The following UTP20 variants were observed in gnomAD, a reference collection of about 807,000 sequenced individuals.
UTP20 encodes small subunit processome component 20 homolog.
In UTP20, 164 loss-of-function variants were observed where a neutral mutation model predicts 329.5. The observed-to-expected ratio is 0.50, with a 90% confidence interval of 0.44 to 0.57. The LOEUF (loss-of-function observed/expected upper bound fraction) is 0.57. Among genes scored for constraint, UTP20 ranks in the 20% least tolerant of loss-of-function variants. UTP20 has a pLI of 0.00. For missense variants in UTP20, 3,055 were observed against 3,284.2 expected, an observed-to-expected ratio of 0.93 and a Z score of 1.71; for synonymous variants, 1,151 against 1,159.3, an observed-to-expected ratio of 0.99 and a Z score of 0.14.
At chr12:101,372,648 C>A (rs540858662) in intron 51 of UTP20, among the ~76,000 whole-genome samples, 2 of 152,286 alleles carry the variant, frequency 1.3e-5, no homozygotes, top group East Asian at 3.9e-4. Context: ...AGTGGCAGGC[C>A]AGGGCTTGCC....
Position 101,366,631 on chromosome 12 carries a change from C to G in UTP20, c.6199C>G (p.Arg2067Gly). The G allele has an allele frequency of 6.2e-7, 1 of 1,614,132 alleles. No homozygotes were observed. Among genetic ancestry groups the G allele is most frequent in the South Asian group, 1.1e-5 (1 of 91,070 alleles). Reference protein sequence around the residue: ...SCLLLPPTPVRGGQKAVVSRK... With the variant: ...SCLLLPPTPVGGGQKAVVSRK... Reference sequence around the variant, plus strand: ...CCTTCTGCTTCCCCCAACTCCAGTTCGAGGTGGACAGAAAGCTGTTGTGAG... The same window carrying G: ...CCTTCTGCTTCCCCCAACTCCAGTTGGAGGTGGACAGAAAGCTGTTGTGAG... The change falls in exon 47 of 62, where the codon CGA becomes GGA. Residue 2067 changes from arginine to glycine, a missense_variant. Transcript: ENST00000261637.
At chr12:101,304,194 T>C (rs1014602633) in intron 15 of UTP20, among the ~76,000 whole-genome samples, 13 of 152,170 alleles carry the variant, frequency 8.5e-5, no homozygotes, top group Non-Finnish European at 1.8e-4. Context: ...TCTGTTCTCT[T>C]TGCTATGCTA....
chr12:101,373,466 C>G lies in UTP20; in HGVS notation c.6944C>G (p.Pro2315Arg). Residue 2315 changes from proline to arginine, a missense_variant, in exon 53 of 62, where the codon CCT becomes CGT. Coordinates refer to ENST00000261637, the MANE Select transcript of UTP20 (RefSeq NM_014503.3). Reference sequence around the variant, plus strand: ...ATCGCCTATCTCTTTGACACGTTCCCTCAGGTACTGTGACCCCAGAGATAA... The same window carrying G: ...ATCGCCTATCTCTTTGACACGTTCCGTCAGGTACTGTGACCCCAGAGATAA... ...EMIAYLFDTF[P>R]QGLLHENCGM... 1.2e-6 allele frequency: 2 copies of G among 1,614,200 alleles called. No individual in the cohort carries two copies. Among genetic ancestry groups the G allele is most frequent in the Non-Finnish European group, 1.7e-6 (2 of 1,180,042 alleles).
At position 101,302,557 on chromosome 12, in the gene UTP20, A is replaced by G; in HGVS notation, c.1781+4A>G. On this transcript the variant is annotated splice_donor_region_variant and intron_variant, in intron 15 of 61. Coordinates refer to ENST00000261637, the MANE Select transcript of UTP20 (RefSeq NM_014503.3). ...AACGTGTGAAGAATTTAGTATTGTA[A>G]GTAAACATCTTCCAGTTGGTTTAGT... The G allele has an allele frequency of 6.4e-7, 1 of 1,569,144 alleles. No homozygotes were observed. Among genetic ancestry groups the G allele is most frequent in the Non-Finnish European group, 8.7e-7 (1 of 1,152,326 alleles).
At chr12:101,373,562 C>T (rs1870369505) in intron 53 of UTP20, 23 bp from the exon 54 acceptor site, 1 of 1,611,436 alleles carries the variant, frequency 6.2e-7, no homozygotes, top group Non-Finnish European at 8.5e-7. Flanking sequence ...TCTGAGTGCT[C>T]ACACGTGCCT....
At chr12:101,379,978 C>A (rs71464268) in intron 57 of UTP20, among the ~76,000 whole-genome samples, 3,284 of 152,148 alleles carry the variant, frequency 0.022, 50 homozygotes, top group Non-Finnish European at 0.032. Flanking sequence ...CGCCACCACA[C>A]CCAGCTAATA....
Position 101,371,178 on chromosome 12 carries a change from G to T in UTP20, c.6798+10G>T. 1 of 1,592,680 alleles carries T rather than the reference G, an allele frequency of 6.3e-7. No homozygotes were observed. Among genetic ancestry groups the T allele is most frequent in the Non-Finnish European group, 8.6e-7 (1 of 1,168,488 alleles). On this transcript the variant is annotated intron_variant, in intron 51 of 61. Transcript: ENST00000261637. ...GGTCCAGTGTAGACAGGTTTGTAGA[G>T]AGCACTTATCCCCATAGCAAGGGCT...
chr12:101,370,008 G>T, intron 49 of UTP20, 117 bp downstream of exon 49: 2 of 912,668 alleles, frequency 2.2e-6, no homozygotes, highest in Non-Finnish European at 3.2e-6. Context: ...GAGCCTAAGA[G>T]TTCAAGACCA....
At chr12:101,348,041 C>A (rs1470066584) in intron 38 of UTP20, among the ~76,000 whole-genome samples, 1 of 152,154 alleles carries the variant, frequency 6.6e-6, no homozygotes, top group African/African-American at 2.4e-5. Flanking sequence ...ATTCTCCAGG[C>A]TGGTCTCTAA....
At chr12:101,375,837 T>G in intron 56 of UTP20, 81 bp downstream of exon 56, 2 of 862,982 alleles carry the variant, frequency 2.3e-6, no homozygotes, top group South Asian at 3.5e-5. Flanking sequence ...AATTCGAATA[T>G]GAATACTTCA....
At chr12:101,288,068 C>A (rs1872017053) in intron 5 of UTP20, among the ~76,000 whole-genome samples, 1 of 152,222 alleles carries the variant, frequency 6.6e-6, no homozygotes, top group East Asian at 1.9e-4. Flanking sequence ...TTTGCCTCTC[C>A]TTCCAGTCTC....
At chr12:101,305,485 A>G (rs1872621572) in intron 15 of UTP20, among the ~76,000 whole-genome samples, 1 of 149,842 alleles carries the variant, frequency 6.7e-6, no homozygotes, top group Non-Finnish European at 1.5e-5. Flanking sequence ...CCTCTCTACT[A>G]TCCTCATTAG....
Position 101,365,439 on chromosome 12 carries a change from C to A in UTP20, c.5959-20C>A, listed in dbSNP as rs1402593462. 1 of 1,579,462 alleles carries A rather than the reference C, an allele frequency of 6.3e-7. No individual in the cohort carries two copies. The highest frequency in any genetic ancestry group is 2.3e-5 in the East Asian group (1 of 44,078). On this transcript the variant is annotated intron_variant, in intron 45 of 61. Transcript: ENST00000261637. ...GCATTTCTGTGTCATCTCAGCATGACATTTATGTTTTGCCTTTAGATCTTA... is the reference window on the plus strand; with the variant it reads ...GCATTTCTGTGTCATCTCAGCATGAAATTTATGTTTTGCCTTTAGATCTTA...
At chr12:101,311,866 TAA>T in intron 20 of UTP20, 68 bp downstream of exon 20, 1 of 1,562,600 alleles carries the variant, frequency 6.4e-7, no homozygotes, top group African/African-American at 1.4e-5. Flanking sequence ...TTTTATTGCT[TAA>T]TTACTCACGA....
rs1868585275 is a variant in UTP20, at chr12:101,327,065, G to A, written c.3042-16G>A. 1.4e-5 allele frequency: 23 copies of A among 1,587,168 alleles called. No individual in the cohort carries two copies. Among genetic ancestry groups the A allele is most frequent in the Non-Finnish European group, 2.0e-5 (23 of 1,159,136 alleles). On this transcript the variant is annotated splice_polypyrimidine_tract_variant and intron_variant, in intron 25 of 61. Transcript: ENST00000261637. ...GAATTAATGTGCAAACAAATAATGT[G>A]CTTTTGCCTTTTCAGAATTTTGTAT...
At chr12:101,296,102 G>A (rs1298760493) in intron 12 of UTP20, among the ~76,000 whole-genome samples, 1 of 152,194 alleles carries the variant, frequency 6.6e-6, no homozygotes, top group African/African-American at 2.4e-5. Context: ...TGACATTGGT[G>A]CAATCCATCA....
chr12:101,345,020 A>G (rs1869276543), intron 36 of UTP20, among the ~76,000 whole-genome samples: 1 of 133,048 alleles, frequency 7.5e-6, no homozygotes, highest in African/African-American at 3.0e-5. Flanking sequence ...ATCTTGGCTC[A>G]CTGCAACCTC....
chr12:101,383,231 C>T lies in UTP20; in HGVS notation c.7847C>T (p.Pro2616Leu), dbSNP rs141701848. 3.3e-5 allele frequency: 53 copies of T among 1,614,124 alleles called. No individual in the cohort carries two copies. The African/African-American group carries it at 5.7e-4, about 17-fold the overall frequency. ...KEEVKEELGR[P>L]ATLLWLIQKL... ...GAGGTGAAGGAAGAGCTCGGCAGGCCGGCCACGCTGCTGTGGTTGATCCAG... is the reference window on the plus strand; with the variant it reads ...GAGGTGAAGGAAGAGCTCGGCAGGCTGGCCACGCTGCTGTGGTTGATCCAG... The change falls in exon 59 of 62, where the codon CCG becomes CTG. Residue 2616 changes from proline to leucine, a missense_variant. Physicochemically the swap from Pro to Leu is moderately conservative, Grantham distance 98. Around this residue, in one of 3 missense-constraint regions of UTP20, gnomAD observed 337 missense variants for 345.5 expected, o/e 0.98. Transcript: ENST00000261637.
At chr12:101,342,864 T>G (rs1198926821) in intron 34 of UTP20, 27 bp downstream of exon 34, 1 of 1,610,654 alleles carries the variant, frequency 6.2e-7, no homozygotes, top group Non-Finnish European at 8.5e-7. Context: ...TCTCTTTGGC[T>G]TCAAAAGTAT....
Sources: gnomAD v4.1 joint callset for allele counts (sites outside exome capture counted in the v4.1 genomes callset) on GRCh38, gnomAD v4.1.1 for gene constraint, gnomAD v4.1.1 regional missense constraint, MANE v1.5 for transcripts, NCBI Gene and HGNC (gene_info 2026-07-23, HGNC 2026-07-21) for gene names.